The following TASOR2 variants were observed in gnomAD, a reference collection of about 807,000 sequenced individuals.
TASOR2 encodes the protein protein TASOR 2.
TASOR2 carries 84 observed loss-of-function variants against 199.5 expected under a neutral mutation model. The ratio of observed to expected loss-of-function variants is 0.42; its 90% confidence interval spans 0.35 to 0.50. TASOR2 has a LOEUF of 0.50. TASOR2 is among the 20% of genes least tolerant of loss of function. TASOR2 has a pLI of 0.02. For synonymous variants in TASOR2, 1,103 were observed against 1,046.6 expected, an observed-to-expected ratio of 1.05 and a Z score of -1.04; for missense variants, 2,796 against 2,835.9, an observed-to-expected ratio of 0.99 and a Z score of 0.32.
chr10:5,739,873 T>C (rs1430481291), exon 13 of TASOR2: 1 of 1,614,186 alleles, frequency 6.2e-7, no homozygotes, highest in African/African-American at 1.3e-5. Flanking sequence ...CAAAATGATG[T>C]TTTGCTCTCT....
At chr10:5,714,410 T>C (rs924195103) in intron 2 of TASOR2, 9 of 367,436 alleles carry the variant, frequency 2.4e-5, no homozygotes, top group African/African-American at 1.9e-4. Flanking sequence ...TGTCAAGAGA[T>C]TGGTATTGTC....
chr10:5,726,501 T>G (rs188558605), intron 8 of TASOR2, among the ~76,000 whole-genome samples: 1 of 152,366 alleles, frequency 6.6e-6, no homozygotes, highest in East Asian at 1.9e-4. Context: ...AATATGAGCT[T>G]AAGATGCTAC....
At chr10:5,747,713 A>C in exon 15 of TASOR2, 2 of 1,614,230 alleles carry the variant, frequency 1.2e-6, no homozygotes, top group Non-Finnish European at 8.5e-7. Context: ...CATGGTACAC[A>C]GTGTGAGAAG....
Position 5,748,482 on chromosome 10 carries a change from A to G in TASOR2, c.5061A>G (p.Ala1687=), listed in dbSNP as rs377181862. The G allele has an allele frequency of 2.0e-5, 33 of 1,614,026 alleles. No individual in the cohort carries two copies. The African/African-American group carries it at 3.9e-4, about 19-fold the overall frequency. The change falls in exon 15 of 21, where the codon GCA becomes GCG. Residue 1687 remains alanine (A), a synonymous_variant. Coordinates refer to ENST00000328090, the Ensembl canonical transcript of TASOR2. This position sits in a 1 kb window ranked among gnomAD's most constrained non-coding sequence, Gnocchi z 5.1. ...TGTTTCAAGCACAGGAAATACCAGC[A>G]GGCAGAATGGCCAGTTTGCTTAAGA... is the stretch of plus-strand genomic sequence containing the variant.
intron 2 of TASOR2, among the ~76,000 whole-genome samples, chr10:5,716,565 C>T (rs1832672486): frequency 6.6e-6 from 1 of 151,970 alleles, no homozygotes; most frequent in African/African-American, 2.4e-5. Context: ...AAAATTCAGA[C>T]ATAAAAGTAA....
chr10:5,748,816 G>GA lies in TASOR2; in HGVS notation c.5396dup (p.Leu1801AlafsTer4). ...GCACGTAGAAATTGAGAACAGTGGG[G>GA]AGGGGCTCAGGGCTGAGGCTGGTTC... On this transcript the variant is annotated frameshift_variant, in exon 15 of 21. Coordinates refer to ENST00000328090, the Ensembl canonical transcript of TASOR2. LOFTEE classifies it high-confidence loss of function. This position sits in a 1 kb window ranked among gnomAD's most constrained non-coding sequence, Gnocchi z 5.1. 6.2e-7 allele frequency: 1 copy of GA among 1,614,202 alleles called. No individual in the cohort carries two copies. The highest frequency in any genetic ancestry group is 8.5e-7 in the Non-Finnish European group (1 of 1,180,040).
rs538025012 is a variant in TASOR2, at chr10:5,751,910, T to G, written c.6606+1883T>G. On this transcript the variant is annotated intron_variant, in intron 15 of 20. Coordinates refer to ENST00000328090, the Ensembl canonical transcript of TASOR2. The surrounding 1 kb of genome is among the most constrained non-coding windows in gnomAD (Gnocchi z 5.3). ...CAGTACTGCCAGGTTTGTGCTAGCC[T>G]CCTTCTCCATGTGTGGAGCTCCCTT... 2.6e-5 allele frequency among the ~76,000 whole-genome samples: 4 copies of G among 152,326 alleles called. No individual in the cohort carries two copies. The highest frequency in any genetic ancestry group is 4.4e-5 in the Non-Finnish European group (3 of 68,022).
Position 5,754,059 on chromosome 10 carries a change from C to T in TASOR2, c.6607-2554C>T, listed in dbSNP as rs1024972546. Among the ~76,000 whole-genome samples, 1 of 152,160 alleles carries T rather than the reference C, an allele frequency of 6.6e-6. No homozygotes were observed. Among genetic ancestry groups the T allele is most frequent in the Non-Finnish European group, 1.5e-5 (1 of 68,034 alleles). On this transcript the variant is annotated intron_variant, in intron 15 of 20. Coordinates refer to ENST00000328090, the Ensembl canonical transcript of TASOR2. This position sits in a 1 kb window ranked among gnomAD's most constrained non-coding sequence, Gnocchi z 4.3. ...AGTGCTCATGCCTGTAATCCCAGCA[C>T]TTTGGGAGGCCGAGGCAGGTGGATC...
intron 1 of TASOR2, among the ~76,000 whole-genome samples, chr10:5,696,389 C>G (rs1837157446): frequency 6.6e-6 from 1 of 152,228 alleles, no homozygotes; most frequent in African/African-American, 2.4e-5. Flanking sequence ...CAGGGCCTCA[C>G]TCTGTCACCC....
rs934487599 is a variant in TASOR2, at chr10:5,719,954, T to C, written c.-99-590T>C. 6.6e-6 allele frequency among the ~76,000 whole-genome samples: 1 copy of C among 152,206 alleles called. No homozygotes were observed. Among genetic ancestry groups the C allele is most frequent in the Non-Finnish European group, 1.5e-5 (1 of 68,040 alleles). On this transcript the variant is annotated intron_variant, in intron 3 of 20. Transcript: ENST00000328090. The surrounding 1 kb of genome is among the most constrained non-coding windows in gnomAD (Gnocchi z 4.1). ...AGATGGTGGGCTATAGTTTTTCTTT[T>C]AAGGAAATGGCTCTCTTAAATTTAG...
rs1838618568 is a variant in TASOR2, at chr10:5,706,467, C to G, written c.-287-6356C>G. ...CAGAGGGCACAAGCCCAGATTGAAG[C>G]TGGAAGACATAGTGCTCCAGAAAGG... On this transcript the variant is annotated intron_variant, in intron 1 of 20. Transcript: ENST00000328090. The surrounding 1 kb of genome is among the most constrained non-coding windows in gnomAD (Gnocchi z 4.8). Among the ~76,000 whole-genome samples, 1 of 152,102 alleles carries G rather than the reference C, an allele frequency of 6.6e-6. No individual in the cohort carries two copies. The highest frequency in any genetic ancestry group is 6.6e-5 in the Admixed American group (1 of 15,264).
At chr10:5,753,923 G>A (rs1386417017) in intron 15 of TASOR2, among the ~76,000 whole-genome samples, 1 of 152,156 alleles carries the variant, frequency 6.6e-6, no homozygotes, top group African/African-American at 2.4e-5. Context: ...GAGATAGAGT[G>A]ACTCTAGAAT....
intron 11 of TASOR2, among the ~76,000 whole-genome samples, chr10:5,734,716 ATTTTTTTTT>A (rs140600979): frequency 5.5e-5 from 3 of 54,146 alleles, no homozygotes; most frequent in Non-Finnish European, 6.7e-5. Context: ...GGTTATGAAG[ATTTTTTTTT>A]TTTTTTTTTT....
exon 11 of TASOR2, chr10:5,731,081 G>T: frequency 6.2e-7 from 1 of 1,614,016 alleles, no homozygotes. Flanking sequence ...ATGGTGCAGA[G>T]TAAAAAGGTG....
chr10:5,716,475 A>G (rs1832658110), intron 2 of TASOR2, among the ~76,000 whole-genome samples: 2 of 152,226 alleles, frequency 1.3e-5, no homozygotes, highest in Admixed American at 6.5e-5. Flanking sequence ...TAAAAGTGAT[A>G]AATTCATAAC....
chr10:5,749,996 C>A (rs2131633825), exon 15 of TASOR2: 1 of 1,607,690 alleles, frequency 6.2e-7, no homozygotes, highest in Non-Finnish European at 8.5e-7. Context: ...CTTGTCGAAA[C>A]AGAAGACAAA....
chr10:5,739,490 T>C lies in TASOR2; in HGVS notation c.1448-128T>C, dbSNP rs933176181. ...GAAGAGACCTTAATCTAATAGAAAA[T>C]TTTAATATGCAATATATGTTACATA... On this transcript the variant is annotated intron_variant, in intron 12 of 20. Transcript: ENST00000328090. 4.7e-6 allele frequency: 4 copies of C among 853,666 alleles called. No individual in the cohort carries two copies. The African/African-American group carries it at 6.8e-5, about 15-fold the overall frequency. 52.9% of individuals were successfully genotyped at this position (853,666 alleles called of 1,614,324 possible).
At chr10:5,743,905 C>CGT (rs1564337772) in intron 14 of TASOR2, 3 of 152,188 alleles carry the variant, frequency 2.0e-5, no homozygotes, top group Non-Finnish European at 4.4e-5. Flanking sequence ...GAAAGGCACA[C>CGT]GTGTGCTATC....
Position 5,761,485 on chromosome 10 carries a change from G to T in TASOR2, c.7174+14G>T. 1 of 1,605,854 alleles carries T rather than the reference G, an allele frequency of 6.2e-7. No homozygotes were observed. ...TCCTCCTAACAGGTAATTCACAGGCGCATTTTACTCAGTTAATGCCAAAAT... is the reference window on the plus strand; with the variant it reads ...TCCTCCTAACAGGTAATTCACAGGCTCATTTTACTCAGTTAATGCCAAAAT... On this transcript the variant is annotated intron_variant, in intron 19 of 20. Coordinates refer to ENST00000328090, the Ensembl canonical transcript of TASOR2.
Sources: allele counts gnomAD v4.1 joint callset (sites outside exome capture counted in the v4.1 genomes callset), GRCh38; gene constraint gnomAD v4.1.1; non-coding constraint Gnocchi (gnomAD v3.1); transcripts MANE v1.5; gene names NCBI Gene and HGNC (gene_info 2026-07-23, HGNC 2026-07-21).